Variants in ARHGEF10L observed in about 807,000 individuals in gnomAD.
The protein encoded by ARHGEF10L is rho guanine nucleotide exchange factor 10-like protein.
ARHGEF10L carries 69 observed loss-of-function variants against 141.2 expected under a neutral mutation model. That is an observed-to-expected ratio of 0.49 (90% CI 0.40 to 0.60). The LOEUF (loss-of-function observed/expected upper bound fraction) is 0.60, where lower values mean the gene tolerates loss of function less well. Among genes scored for constraint, ARHGEF10L ranks in the 20% least tolerant of loss-of-function variants. ARHGEF10L has a pLI of 0.00. For synonymous variants in ARHGEF10L, 711 were observed against 718.5 expected (o/e 0.99, Z 0.17); for missense variants, 1,482 against 1,734.3 (o/e 0.85, Z 2.58).
chr1:17,634,901 G>A lies in ARHGEF10L; in HGVS notation c.1812G>A (p.Ala604=), dbSNP rs34506306. ...AGTATGTGGTGAAGTGGAACACGGC[G>A]CTGCCCCAGGTGCAGGTGGTGGAGG... ...GPKYVVKWNT[A]LPQVQVVEVG... Residue 604 remains alanine (A), a synonymous_variant, in exon 18 of 29, where the codon GCG becomes GCA. Coordinates refer to ENST00000361221, the MANE Select transcript of ARHGEF10L (RefSeq NM_018125.4). The A allele has an allele frequency of 4.5e-4, 719 of 1,614,086 alleles. 4 individuals are homozygous for A. In the African/African-American group the frequency reaches 7.1e-3, roughly 16 times the overall value.
chr1:17,546,383 A>G (rs1463545899), intron 1 of ARHGEF10L, among the ~76,000 whole-genome samples: 1 of 152,198 alleles, frequency 6.6e-6, no homozygotes, highest in African/African-American at 2.4e-5. Flanking sequence ...CTTAAAGGCA[A>G]CTGATTTTGA....
intron 1 of ARHGEF10L, among the ~76,000 whole-genome samples, chr1:17,564,541 G>A (rs1008144647): frequency 7.2e-5 from 11 of 152,306 alleles, no homozygotes; most frequent in Non-Finnish European, 1.0e-4. Flanking sequence ...TGGCTGGCTC[G>A]TGGCTGAGGT....
At chr1:17,572,002 C>T (rs916826777) in intron 1 of ARHGEF10L, among the ~76,000 whole-genome samples, 1 of 152,250 alleles carries the variant, frequency 6.6e-6, no homozygotes, top group Non-Finnish European at 1.5e-5. Flanking sequence ...GGGGGGGCTC[C>T]TCCAGTTGCC....
At chr1:17,577,603 C>A (rs2078275840) in intron 1 of ARHGEF10L, among the ~76,000 whole-genome samples, 1 of 152,242 alleles carries the variant, frequency 6.6e-6, no homozygotes, top group Non-Finnish European at 1.5e-5. Context: ...TGGGTATGGG[C>A]AGGGCTTGCT....
chr1:17,532,999 A>G, the ARHGEF10L span, among the ~76,000 whole-genome samples: 2 of 152,126 alleles, frequency 1.3e-5, no homozygotes, highest in African/African-American at 4.8e-5. Flanking sequence ...AGGACTCAGG[A>G]ATGCCCCCTT....
chr1:17,608,178 T>C (rs996354593), intron 7 of ARHGEF10L, among the ~76,000 whole-genome samples: 2 of 152,178 alleles, frequency 1.3e-5, no homozygotes, highest in Non-Finnish European at 2.9e-5. Flanking sequence ...ACATTGCTGT[T>C]GGCAGCCCTA....
chr1:17,656,450 G>A lies in ARHGEF10L; in HGVS notation c.2706-104G>A. 7.1e-7 allele frequency: 1 copy of A among 1,403,760 alleles called. No homozygotes were observed. The highest frequency in any genetic ancestry group is 9.7e-7 in the Non-Finnish European group (1 of 1,027,358). The allele number at this position is 1,403,760 out of a possible 1,614,324, so 87.0% of individuals were successfully genotyped here. On this transcript the variant is annotated intron_variant, in intron 24 of 28. Transcript: ENST00000361221. The surrounding 1 kb of genome is among the most constrained non-coding windows in gnomAD (Gnocchi z 4.9). ...CCACACAGCCGAAAGGCGTGGCTGA[G>A]AGGGGTCAGCTCCCTGGGGCCCTCT... is the stretch of plus-strand genomic sequence containing the variant.
intron 26 of ARHGEF10L, among the ~76,000 whole-genome samples, chr1:17,670,408 C>T (rs1486873955): frequency 1.3e-5 from 2 of 152,252 alleles, no homozygotes; most frequent in African/African-American, 2.4e-5. Context: ...GCGTCCTCCG[C>T]GTTCATGATC....
intron 26 of ARHGEF10L, among the ~76,000 whole-genome samples, chr1:17,666,047 C>T (rs1259752211): frequency 1.3e-5 from 2 of 152,192 alleles, no homozygotes; most frequent in African/African-American, 4.8e-5. Context: ...AGCGAATTCT[C>T]CCCTCCCAGC....
At chr1:17,676,266 G>T (rs1254631774) in intron 26 of ARHGEF10L, among the ~76,000 whole-genome samples, 1 of 146,494 alleles carries the variant, frequency 6.8e-6, no homozygotes, top group Non-Finnish European at 1.5e-5. Context: ...GCAGGTGTGG[G>T]TGCAGGTGTA....
At chr1:17,693,911 G>A (rs1053631647) in intron 27 of ARHGEF10L, 4 of 152,178 alleles carry the variant, frequency 2.6e-5, no homozygotes, top group African/African-American at 7.2e-5. Flanking sequence ...AAGGAAGTGT[G>A]GCAGCGCCGT....
At position 17,639,849 on chromosome 1, in the gene ARHGEF10L, T is replaced by C. The variant is rs1290107493; in HGVS notation, c.2172-353T>C. On this transcript the variant is annotated intron_variant, in intron 20 of 28. Coordinates refer to ENST00000361221, the MANE Select transcript of ARHGEF10L (RefSeq NM_018125.4). This position sits in a 1 kb window ranked among gnomAD's most constrained non-coding sequence, Gnocchi z 4.3. Reference sequence around the variant, plus strand: ...CCCTCTAGAGGCACGTGGTCAGACATGTAAGGTGTCTAAGACCTGTGGACA... The same window carrying C: ...CCCTCTAGAGGCACGTGGTCAGACACGTAAGGTGTCTAAGACCTGTGGACA... 1.3e-5 allele frequency: 18 copies of C among 1,358,536 alleles called. No homozygotes were observed. Among genetic ancestry groups the C allele is most frequent in the Non-Finnish European group, 1.7e-5 (18 of 1,034,204 alleles). The allele number at this position is 1,358,536 out of a possible 1,614,324, so 84.2% of individuals were successfully genotyped here.
intron 9 of ARHGEF10L, chr1:17,618,630 C>A: frequency 2.4e-6 from 2 of 840,872 alleles, no homozygotes; most frequent in Non-Finnish European, 3.4e-6. Flanking sequence ...TGCCCACAGC[C>A]ACCGCTGGAG....
chr1:17,677,553 G>GC (rs2063800925), intron 26 of ARHGEF10L, among the ~76,000 whole-genome samples: 1 of 152,176 alleles, frequency 6.6e-6, no homozygotes, highest in Non-Finnish European at 1.5e-5. Flanking sequence ...AGCAGCCCCT[G>GC]CCCTCATGGA....
chr1:17,598,776 T>C (rs924771591), intron 4 of ARHGEF10L, among the ~76,000 whole-genome samples: 19 of 151,864 alleles, frequency 1.3e-4, no homozygotes, highest in Non-Finnish European at 2.8e-4. Flanking sequence ...TCTCTCTCTT[T>C]TTTTTTTTTT....
chr1:17,608,806 G>A (rs1348746767), intron 7 of ARHGEF10L, among the ~76,000 whole-genome samples: 1 of 152,036 alleles, frequency 6.6e-6, no homozygotes, highest in Admixed American at 6.6e-5. Context: ...TTCTTTTGAG[G>A]CAGAGTCTCA....
chr1:17,678,620 C>T (rs974253537), intron 26 of ARHGEF10L, among the ~76,000 whole-genome samples: 2 of 152,110 alleles, frequency 1.3e-5, no homozygotes, highest in Non-Finnish European at 2.9e-5. Flanking sequence ...GGTTTCACCA[C>T]GTTGGCCAGG....
In ARHGEF10L at chr1:17,639,157, G is replaced by A. The variant is rs188015849; in HGVS notation, c.2171+468G>A. On this transcript the variant is annotated intron_variant, in intron 20 of 28. Transcript: ENST00000361221. This position sits in a 1 kb window ranked among gnomAD's most constrained non-coding sequence, Gnocchi z 4.3. Reference sequence around the variant, plus strand: ...GAACTGATGACAGCCATAGCTGCTCGGCCTGGCAGAGACAGGGAACGGGAT... The same window carrying A: ...GAACTGATGACAGCCATAGCTGCTCAGCCTGGCAGAGACAGGGAACGGGAT... Among the ~76,000 whole-genome samples the A allele has an allele frequency of 1.0e-3, 155 of 152,332 alleles. No individual in the cohort carries two copies. The highest frequency in any genetic ancestry group is 2.0e-3 in the Non-Finnish European group (133 of 68,032).
chr1:17,645,269 G>C (rs1400250119), intron 21 of ARHGEF10L, among the ~76,000 whole-genome samples: 4 of 152,172 alleles, frequency 2.6e-5, no homozygotes, highest in Non-Finnish European at 4.4e-5. Flanking sequence ...CTCTGGTTTT[G>C]TGACGGGAAC....
Sources: allele counts gnomAD v4.1 joint callset (sites outside exome capture counted in the v4.1 genomes callset), GRCh38; gene constraint gnomAD v4.1.1; non-coding constraint Gnocchi (gnomAD v3.1); transcripts MANE v1.5; gene names NCBI Gene and HGNC (gene_info 2026-07-23, HGNC 2026-07-21).